CNTLN: variants seen among roughly 807,000 people sequenced by gnomAD.
CNTLN encodes the protein centlein, centrosomal protein.
A neutral mutation model predicts 180.0 loss-of-function variants in CNTLN; 212 were observed. That is an observed-to-expected ratio of 1.18 (90% CI 1.05 to 1.32). CNTLN has a LOEUF of 1.32. Among genes scored for constraint, CNTLN ranks in the 40% most tolerant of loss-of-function variants. The probability of loss-of-function intolerance (pLI) is 0.00; values close to 1 mark genes in which losing one functional copy is unlikely to be tolerated. For synonymous variants in CNTLN, 722 were observed against 563.1 expected (o/e 1.28, Z -3.99); for missense variants, 2,095 against 1,610.9 (o/e 1.30, Z -5.14).
chr9:17,481,920 A>T (rs1321822488), intron 23 of CNTLN, among the ~76,000 whole-genome samples: 2 of 152,206 alleles, frequency 1.3e-5, no homozygotes, highest in Non-Finnish European at 2.9e-5. Flanking sequence ...GCCTGTTCAG[A>T]TCCAAAGGTT....
the CNTLN span, among the ~76,000 whole-genome samples, chr9:17,521,211 C>T: frequency 2.4e-4 from 35 of 146,894 alleles, no homozygotes; most frequent in Admixed American, 1.9e-3. Flanking sequence ...TCCCAGAAGA[C>T]AGAAAAGAGG....
chr9:17,220,288 G>A (rs1824043645), intron 2 of CNTLN, among the ~76,000 whole-genome samples: 1 of 151,946 alleles, frequency 6.6e-6, no homozygotes, highest in South Asian at 2.1e-4. Context: ...TGGGTTTGGT[G>A]TCACATAATC....
At chr9:17,300,831 C>T (rs1467523832) in intron 7 of CNTLN, 2 of 252,454 alleles carry the variant, frequency 7.9e-6, no homozygotes, top group African/African-American at 2.3e-5. Flanking sequence ...TGTTTTTATT[C>T]CTTGAACATA....
intron 1 of CNTLN, among the ~76,000 whole-genome samples, chr9:17,142,851 T>C (rs1035524614): frequency 3.9e-5 from 6 of 152,196 alleles, no homozygotes; most frequent in African/African-American, 1.4e-4. Flanking sequence ...TTTGGCAATA[T>C]AGAGGACCTT....
intron 8 of CNTLN, among the ~76,000 whole-genome samples, chr9:17,322,187 G>C (rs1819960655): frequency 6.6e-6 from 1 of 151,986 alleles, no homozygotes; most frequent in Non-Finnish European, 1.5e-5. Flanking sequence ...TGGATAGTTT[G>C]ATATTTAATC....
At chr9:17,210,219 C>G (rs1340753429) in intron 2 of CNTLN, among the ~76,000 whole-genome samples, 2 of 152,188 alleles carry the variant, frequency 1.3e-5, no homozygotes, top group African/African-American at 2.4e-5. Flanking sequence ...CCCGCTCCCC[C>G]TACCCCACGA....
intron 6 of CNTLN, among the ~76,000 whole-genome samples, chr9:17,283,785 T>C (rs1025426567): frequency 2.0e-5 from 3 of 152,214 alleles, no homozygotes; most frequent in African/African-American, 4.8e-5. Flanking sequence ...ACCTAGTTTA[T>C]TGAGCATTTT....
At chr9:17,224,772 G>C (rs964593860) in intron 2 of CNTLN, among the ~76,000 whole-genome samples, 1 of 151,366 alleles carries the variant, frequency 6.6e-6, no homozygotes, top group African/African-American at 2.4e-5. Flanking sequence ...TTGTCTTTAC[G>C]GACCTTTAAC....
chr9:17,214,389 C>G (rs560403900), intron 2 of CNTLN, among the ~76,000 whole-genome samples: 1 of 152,358 alleles, frequency 6.6e-6, no homozygotes, highest in South Asian at 2.1e-4. Flanking sequence ...GGCACCCACT[C>G]TCTTCTGGCT....
At chr9:17,205,991 C>T (rs1178519498) in intron 2 of CNTLN, among the ~76,000 whole-genome samples, 2 of 150,736 alleles carry the variant, frequency 1.3e-5, no homozygotes, top group South Asian at 2.1e-4. Flanking sequence ...AATAACCTGT[C>T]TGCTAGTAAT....
At chr9:17,293,303 G>A (rs868321093) in intron 6 of CNTLN, among the ~76,000 whole-genome samples, 5 of 152,248 alleles carry the variant, frequency 3.3e-5, no homozygotes, top group Admixed American at 2.6e-4. Flanking sequence ...CCTTGGCGGA[G>A]CGGGTGCGCT....
In CNTLN at chr9:17,178,826, C is replaced by T. The variant is rs1820916472; in HGVS notation, c.449+35450C>T. 2.0e-5 allele frequency among the ~76,000 whole-genome samples: 3 copies of T among 152,272 alleles called. No homozygotes were observed. In the South Asian group the frequency reaches 6.2e-4, roughly 32 times the overall value. The stretch of plus-strand genomic sequence containing the variant: ...CTGGCCTTGGCCAGCCCAGCAAGGG[C>T]TCCCACAGTGCAGCGGTGGGCTGAA... On this transcript the variant is annotated intron_variant, in intron 2 of 25. Coordinates refer to ENST00000380647, the MANE Select transcript of CNTLN (RefSeq NM_017738.4).
intron 5 of CNTLN, among the ~76,000 whole-genome samples, chr9:17,272,309 T>G (rs370738733): frequency 1.2e-4 from 18 of 152,004 alleles, no homozygotes; most frequent in South Asian, 4.2e-4. Context: ...TCAGTTGACC[T>G]CGTGATCTGC....
Position 17,236,408 on chromosome 9 carries a change from G to A in CNTLN, c.670-1G>A. 1 of 1,593,136 alleles carries A rather than the reference G, an allele frequency of 6.3e-7. No homozygotes were observed. The stretch of plus-strand genomic sequence containing the variant: ...TTTGCCCTTGTGGTACTGTTCTACA[G>A]GACACTAAGGAGTGTGTACAGAACA... On this transcript the variant is annotated splice_acceptor_variant, in intron 4 of 25. Coordinates refer to ENST00000380647, the MANE Select transcript of CNTLN (RefSeq NM_017738.4). LOFTEE classifies it high-confidence loss of function.
intron 13 of CNTLN, among the ~76,000 whole-genome samples, chr9:17,370,186 A>G (rs1824192539): frequency 6.6e-6 from 1 of 152,180 alleles, no homozygotes; most frequent in African/African-American, 2.4e-5. Flanking sequence ...GCAAAAGATA[A>G]CAATATTCAA....
At chr9:17,460,083 T>C (rs540380262) in intron 19 of CNTLN, among the ~76,000 whole-genome samples, 2 of 151,880 alleles carry the variant, frequency 1.3e-5, no homozygotes, top group South Asian at 4.1e-4. Flanking sequence ...ATCTTTTCTA[T>C]ACTATCCAGT....
intron 1 of CNTLN, among the ~76,000 whole-genome samples, chr9:17,137,536 T>C (rs1261633104): frequency 1.3e-5 from 2 of 152,296 alleles, no homozygotes; most frequent in East Asian, 3.9e-4. Flanking sequence ...TACAAACATA[T>C]ATTTTCAGAA....
intron 2 of CNTLN, among the ~76,000 whole-genome samples, chr9:17,200,282 A>C (rs1822432800): frequency 1.3e-5 from 2 of 152,036 alleles, no homozygotes; most frequent in Admixed American, 1.3e-4. Flanking sequence ...GGGGCCTCCA[A>C]CTTTGTTCTT....
intron 2 of CNTLN, among the ~76,000 whole-genome samples, chr9:17,183,425 G>A (rs2131742875): frequency 1.3e-5 from 2 of 151,732 alleles, no homozygotes; most frequent in East Asian, 3.9e-4. Context: ...AGTCTTATAT[G>A]TAGACTTTTG....
Sources: allele counts gnomAD v4.1 joint callset (sites outside exome capture counted in the v4.1 genomes callset), GRCh38; gene constraint gnomAD v4.1.1; transcripts MANE v1.5; gene names NCBI Gene and HGNC (gene_info 2026-07-23, HGNC 2026-07-21).